The following ROR1 variants were observed in gnomAD, a reference collection of about 807,000 sequenced individuals.
ROR1 encodes the protein ROR family WNT receptor 1.
In ROR1, 19 loss-of-function variants were observed where a neutral mutation model predicts 78.8. That is an observed-to-expected ratio of 0.24 (90% CI 0.17 to 0.35). The LOEUF (loss-of-function observed/expected upper bound fraction) is 0.35. Ranked by LOEUF, ROR1 falls within the 10% of genes least tolerant of loss-of-function variation. ROR1 has a pLI of 1.00. For missense variants in ROR1, 917 were observed against 1,177.8 expected (o/e 0.78, Z 3.24); for synonymous variants, 386 against 433.6 (o/e 0.89, Z 1.36).
chr1:63,886,891 A>C lies in ROR1; in HGVS notation c.91+112383A>C, dbSNP rs1397108607. Among the ~76,000 whole-genome samples, 3 of 152,272 alleles carry C rather than the reference A, an allele frequency of 2.0e-5. No individual in the cohort carries two copies. The East Asian group carries it at 5.8e-4, about 29-fold the overall frequency. ...CAGGTGGGATAGGAATGGGAGTTGAAGTTTGAGCAACTTTTGAATTATTGC... is the reference window on the plus strand; with the variant it reads ...CAGGTGGGATAGGAATGGGAGTTGACGTTTGAGCAACTTTTGAATTATTGC... On this transcript the variant is annotated intron_variant, in intron 1 of 8. Transcript: ENST00000371079.
chr1:63,787,583 A>G lies in ROR1; in HGVS notation c.91+13075A>G, dbSNP rs558353904. ...CTCTTGTTGCCCAAGCTGGAGTGCAATGGTGCGATCTCAGCTCACTACAAC... is the reference window on the plus strand; with the variant it reads ...CTCTTGTTGCCCAAGCTGGAGTGCAGTGGTGCGATCTCAGCTCACTACAAC... On this transcript the variant is annotated intron_variant, in intron 1 of 8. Transcript: ENST00000371079. Among the ~76,000 whole-genome samples, 9 of 147,660 alleles carry G rather than the reference A, an allele frequency of 6.1e-5. No homozygotes were observed. In the South Asian group the frequency reaches 1.9e-3, roughly 32 times the overall value.
At chr1:63,980,370 C>T (rs1194504668) in intron 1 of ROR1, among the ~76,000 whole-genome samples, 1 of 152,074 alleles carries the variant, frequency 6.6e-6, no homozygotes, top group Non-Finnish European at 1.5e-5. Flanking sequence ...GACCCCACCT[C>T]ATTGAGATAT....
At position 64,111,931 on chromosome 1, in the gene ROR1, A is replaced by G. The variant is rs1480243277; in HGVS notation, c.483-25438A>G. 5 of 152,232 alleles carry G rather than the reference A, an allele frequency of 3.3e-5. No homozygotes were observed. In the East Asian group the frequency reaches 9.6e-4, roughly 29 times the overall value. The allele number at this position is 152,232 out of a possible 1,614,324, so 9.4% of individuals were successfully genotyped here. A position where few individuals can be genotyped will look rare whatever the true frequency, so the allele number is the denominator to read the frequency against. The stretch of plus-strand genomic sequence containing the variant: ...ACAGTGGTTTCCCCAAAGCTAATCA[A>G]TGAAAAGTCCTTACATTCCACAAAC... On this transcript the variant is annotated intron_variant, in intron 4 of 8. Transcript: ENST00000371079.
chr1:64,076,750 T>C (rs966379709), intron 4 of ROR1, among the ~76,000 whole-genome samples: 13 of 152,222 alleles, frequency 8.5e-5, no homozygotes, highest in Non-Finnish European at 1.6e-4. Context: ...TAAGTAAAAA[T>C]AAAATTTATT....
At chr1:63,955,619 A>C (rs748621844) in intron 1 of ROR1, among the ~76,000 whole-genome samples, 5 of 152,132 alleles carry the variant, frequency 3.3e-5, no homozygotes, top group Non-Finnish European at 5.9e-5. Context: ...TTTTCTTCTT[A>C]TTCTTCTTCT....
chr1:63,872,532 T>G (rs867956678), intron 1 of ROR1, among the ~76,000 whole-genome samples: 36 of 152,090 alleles, frequency 2.4e-4, no homozygotes, highest in Admixed American at 3.9e-4. Flanking sequence ...GCTCCTGACA[T>G]ATAGTTGGTG....
chr1:64,163,892 C>T (rs949341699), intron 8 of ROR1, among the ~76,000 whole-genome samples: 2 of 152,142 alleles, frequency 1.3e-5, no homozygotes, highest in Non-Finnish European at 2.9e-5. Context: ...GCTATTGTCT[C>T]CCAACACTTC....
chr1:64,043,102 A>G (rs529041346), intron 2 of ROR1, among the ~76,000 whole-genome samples: 2 of 152,264 alleles, frequency 1.3e-5, no homozygotes, highest in African/African-American at 4.8e-5. Context: ...GGACTGCTCA[A>G]CTCTTTATAT....
At chr1:64,147,638 G>A (rs116002754) in intron 7 of ROR1, among the ~76,000 whole-genome samples, 3,105 of 152,120 alleles carry the variant, frequency 0.02, 90 homozygotes, top group African/African-American at 0.069. Context: ...CTCCTTTGGG[G>A]CATTTGATTT....
intron 1 of ROR1, among the ~76,000 whole-genome samples, chr1:63,785,954 C>T (rs1382032085): frequency 2.6e-5 from 4 of 152,170 alleles, no homozygotes; most frequent in Non-Finnish European, 4.4e-5. Flanking sequence ...AAAACTTTGC[C>T]TGTGACCAGG....
intron 1 of ROR1, among the ~76,000 whole-genome samples, chr1:63,838,581 C>A (rs565895983): frequency 1.3e-5 from 2 of 151,898 alleles, no homozygotes; most frequent in East Asian, 3.9e-4. Context: ...TTAAGCTAAG[C>A]ATTATTACAA....
At position 63,803,161 on chromosome 1, in the gene ROR1, T is replaced by C. The variant is rs1257676573; in HGVS notation, c.91+28653T>C. On this transcript the variant is annotated intron_variant, in intron 1 of 8. Transcript: ENST00000371079. ...GAATATTGTAACAAATGCAGGCATG[T>C]GAACACTTGGAGATACAAGCCTCTA... 2.6e-5 allele frequency among the ~76,000 whole-genome samples: 4 copies of C among 152,170 alleles called. No homozygotes were observed. In the East Asian group the frequency reaches 7.7e-4, roughly 29 times the overall value.
chr1:63,930,789 C>T (rs1200048509), intron 1 of ROR1, among the ~76,000 whole-genome samples: 1 of 152,184 alleles, frequency 6.6e-6, no homozygotes, highest in Non-Finnish European at 1.5e-5. Context: ...CAGTTTCCTC[C>T]TTTATATTCT....
At chr1:63,783,323 G>GTATA (rs1192261116) in intron 1 of ROR1, among the ~76,000 whole-genome samples, 3 of 152,134 alleles carry the variant, frequency 2.0e-5, no homozygotes, top group African/African-American at 7.2e-5. Flanking sequence ...CTTGTCAAAG[G>GTATA]TATATGATGG....
chr1:63,941,342 T>C lies in ROR1; in HGVS notation c.92-67963T>C, dbSNP rs977462808. On this transcript the variant is annotated intron_variant, in intron 1 of 8. Coordinates refer to ENST00000371079, the MANE Select transcript of ROR1 (RefSeq NM_005012.4). Reference sequence around the variant, plus strand: ...AGAAAAAATAAATACACACACAGAATGATACAGCTGTGCTGAAATGTTGAA... The same window carrying C: ...AGAAAAAATAAATACACACACAGAACGATACAGCTGTGCTGAAATGTTGAA... 1.8e-4 allele frequency among the ~76,000 whole-genome samples: 27 copies of C among 152,310 alleles called. 1 individual carries two copies. The highest frequency in any genetic ancestry group is 1.0e-3 in the Admixed American group (16 of 15,308).
chr1:63,891,868 T>C (rs1645399632), intron 1 of ROR1, among the ~76,000 whole-genome samples: 1 of 152,162 alleles, frequency 6.6e-6, no homozygotes, highest in Admixed American at 6.6e-5. Context: ...ATTATACCAC[T>C]GACTTTCTGG....
rs1645503223 is a variant in ROR1, at chr1:63,903,614, A to G, written c.92-105691A>G. On this transcript the variant is annotated intron_variant, in intron 1 of 8. Transcript: ENST00000371079. ...TTTCCACCTCATTCCTGCTCACCCC[A>G]TGTCCATAGGTGCTCAGTCTCATTT... Among the ~76,000 whole-genome samples the G allele has an allele frequency of 2.0e-5, 3 of 151,832 alleles. 1 individual carries two copies. Among genetic ancestry groups the G allele is most frequent in the Admixed American group, 2.0e-4 (3 of 15,248 alleles).
In ROR1 at chr1:64,177,714, G is replaced by A. The variant is rs750999419; in HGVS notation, c.1673G>A (p.Gly558Glu). 6.2e-7 allele frequency: 1 copy of A among 1,614,066 alleles called. No homozygotes were observed. Among genetic ancestry groups the A allele is most frequent in the Non-Finnish European group, 8.5e-7 (1 of 1,180,030 alleles). Reference sequence around the variant, plus strand: ...ATGCTTTTTGAGTATATTAATCAGGGGGATCTCCATGAGTTCCTCATCATG... The same window carrying A: ...ATGCTTTTTGAGTATATTAATCAGGAGGATCTCCATGAGTTCCTCATCATG... ...VCMLFEYINQ[G>E]DLHEFLIMRS... is the part of the protein sequence containing the mutation. Residue 558 changes from glycine (G) to glutamate (E), a missense_variant, in exon 9 of 9, where the codon GGG becomes GAG. Gly to Glu is a moderately conservative substitution (Grantham distance 98). This residue lies in a region of ROR1 where 835 missense variants were observed against 1,069.8 expected (regional missense o/e 0.78). Coordinates refer to ENST00000371079, the MANE Select transcript of ROR1 (RefSeq NM_005012.4).
At chr1:63,818,908 G>A (rs1433918615) in intron 1 of ROR1, among the ~76,000 whole-genome samples, 1 of 152,072 alleles carries the variant, frequency 6.6e-6, no homozygotes, top group African/African-American at 2.4e-5. Context: ...AGAGACTATG[G>A]TGTGATTTCT....
Sources: allele counts gnomAD v4.1 joint callset (sites outside exome capture counted in the v4.1 genomes callset), GRCh38; gene constraint gnomAD v4.1.1; regional missense constraint gnomAD v4.1.1; transcripts MANE v1.5; gene names NCBI Gene and HGNC (gene_info 2026-07-23, HGNC 2026-07-21).